Variants in RUVBL1 observed in about 807,000 individuals in gnomAD.
RUVBL1 encodes ruvB-like 1.
A neutral mutation model predicts 52.4 loss-of-function variants in RUVBL1; 4 were observed. The observed-to-expected ratio is 0.08, with a 90% confidence interval of 0.04 to 0.17. The LOEUF (loss-of-function observed/expected upper bound fraction) is 0.17. RUVBL1 is among the 10% of genes least tolerant of loss of function. The pLI, the probability that RUVBL1 is intolerant of heterozygous loss-of-function variation, is 1.00. For synonymous variants in RUVBL1, 217 were observed against 214.4 expected, an observed-to-expected ratio of 1.01 and a Z score of -0.10; for missense variants, 298 against 572.8, an observed-to-expected ratio of 0.52 and a Z score of 4.90.
chr3:128,105,265 G>A lies in RUVBL1; in HGVS notation c.362-341C>T, dbSNP rs377764404. On this transcript the variant is annotated intron_variant, in intron 3 of 10. Transcript: ENST00000322623. ...CTCCCGAGTAGCTGGGACTACAGGC[G>A]CCCGCCACCACGCCCGGCTAATTTT... is the stretch of plus-strand genomic sequence containing the variant. Among the ~76,000 whole-genome samples, 17 of 151,870 alleles carry A rather than the reference G, an allele frequency of 1.1e-4. No homozygotes were observed. In the South Asian group the frequency reaches 1.2e-3, roughly 11 times the overall value.
downstream of RUVBL1, among the ~76,000 whole-genome samples, chr3:128,077,017 G>C (rs991001172): frequency 2.0e-5 from 3 of 151,754 alleles, no homozygotes; most frequent in Non-Finnish European, 4.4e-5. Flanking sequence ...GGCGCCCATC[G>C]GCCCATCTTA....
intron 1 of RUVBL1, among the ~76,000 whole-genome samples, chr3:128,133,117 G>A (rs1015147198): frequency 2.0e-5 from 3 of 152,174 alleles, no homozygotes; most frequent in Non-Finnish European, 2.9e-5. Context: ...TCTTGCTATA[G>A]GCCTGGGTTG....
Position 128,100,637 on chromosome 3 carries a change from A to G in RUVBL1, c.711T>C (p.Asp237=). Residue 237 remains aspartate, a synonymous_variant, in exon 6 of 11, where the codon GAT becomes GAC. Transcript: ENST00000322623. ...CCACATCCAAGTCATGCAAGGTCAC[A>G]TCTTGGATGATTTCTTTCTTTTTGT... is the stretch of plus-strand genomic sequence containing the variant. The part of the protein sequence containing the change: ...DVHKKKEIIQ[D]VTLHDLDVAN... 10 of 1,613,488 alleles carry G rather than the reference A, an allele frequency of 6.2e-6. 1 individual carries two copies. The highest frequency in any genetic ancestry group is 8.5e-6 in the Non-Finnish European group (10 of 1,179,846).
chr3:128,125,310 C>T (rs1291310404), upstream of RUVBL1, among the ~76,000 whole-genome samples: 2 of 152,080 alleles, frequency 1.3e-5, no homozygotes, highest in Non-Finnish European at 2.9e-5. Context: ...CCACCGCGCC[C>T]GGCCTCTCAC....
chr3:128,069,403 G>T (rs1942085293), intron 9 of RUVBL1: 1 of 1,433,452 alleles, frequency 7.0e-7, no homozygotes, highest in Non-Finnish European at 9.5e-7. Flanking sequence ...AAAGTCTCAG[G>T]TGAGCCTGTT....
chr3:128,067,457 G>T lies in RUVBL1; in HGVS notation c.940-2237C>A, dbSNP rs770038193. ...TGGGGGCCCAGCACGTGCTTATCCAGTTGGTGGCCTTTGCTATTACCTGTC... is the reference window on the plus strand; with the variant it reads ...TGGGGGCCCAGCACGTGCTTATCCATTTGGTGGCCTTTGCTATTACCTGTC... On this transcript the variant is annotated intron_variant, in intron 9 of 9. Transcript: ENST00000464873. The surrounding 1 kb of genome is among the most constrained non-coding windows in gnomAD (Gnocchi z 4.1). 1.2e-6 allele frequency: 2 copies of T among 1,614,168 alleles called. No homozygotes were observed. Among genetic ancestry groups the T allele is most frequent in the Non-Finnish European group, 1.7e-6 (2 of 1,180,026 alleles).
At chr3:128,148,814 T>G (rs1328412233) in intron 1 of RUVBL1, among the ~76,000 whole-genome samples, 1 of 152,206 alleles carries the variant, frequency 6.6e-6, no homozygotes, top group East Asian at 1.9e-4. Flanking sequence ...ATTTTTTCAG[T>G]TACCAATATT....
chr3:128,150,943 T>TTC (rs1559841711), intron 1 of RUVBL1, among the ~76,000 whole-genome samples: 994 of 86,004 alleles, frequency 0.012, 15 homozygotes, highest in African/African-American at 0.02. Context: ...ATTCTATATA[T>TTC]TATATATATT....
At chr3:128,107,675 A>C (rs368405741) in intron 3 of RUVBL1, among the ~76,000 whole-genome samples, 1 of 152,232 alleles carries the variant, frequency 6.6e-6, no homozygotes. Flanking sequence ...GAATAGCCCC[A>C]AAAGAGAGGA....
At position 128,120,203 on chromosome 3, in the gene RUVBL1, C is replaced by T. The variant is rs115219726; in HGVS notation, c.142-789G>A. The stretch of plus-strand genomic sequence containing the variant: ...ATACATTTTTTCCAGAGAAAGGATC[C>T]ATAGCTTTCATCAAATTCCCAGAGT... On this transcript the variant is annotated intron_variant, in intron 1 of 10. Coordinates refer to ENST00000322623, the MANE Select transcript of RUVBL1 (RefSeq NM_003707.3). 5.5e-3 allele frequency among the ~76,000 whole-genome samples: 833 copies of T among 152,218 alleles called. 11 individuals are homozygous for T. The highest frequency in any genetic ancestry group is 0.019 in the African/African-American group (787 of 41,518).
intron 9 of RUVBL1, among the ~76,000 whole-genome samples, chr3:128,073,720 C>G (rs1942234711): frequency 6.6e-6 from 1 of 152,198 alleles, no homozygotes; most frequent in Non-Finnish European, 1.5e-5. Flanking sequence ...AAGCTCATGC[C>G]CCAGCAGTAA....
At chr3:128,130,197 A>C (rs1050909450) in intron 1 of RUVBL1, among the ~76,000 whole-genome samples, 1 of 152,140 alleles carries the variant, frequency 6.6e-6, no homozygotes, top group Non-Finnish European at 1.5e-5. Context: ...AAAATCAGAA[A>C]TTACAGCAGG....
intron 8 of RUVBL1, among the ~76,000 whole-genome samples, chr3:128,095,157 G>A (rs1237556370): frequency 6.6e-6 from 1 of 152,242 alleles, no homozygotes; most frequent in Non-Finnish European, 1.5e-5. Flanking sequence ...CCACTGAGCA[G>A]GTTCTGAGAT....
chr3:128,110,877 C>T (rs1943373005), intron 3 of RUVBL1, among the ~76,000 whole-genome samples: 1 of 152,050 alleles, frequency 6.6e-6, no homozygotes, highest in Admixed American at 6.5e-5. Flanking sequence ...ATAGCCCAGA[C>T]ATATTTTTTA....
intron 4 of RUVBL1, among the ~76,000 whole-genome samples, chr3:128,103,328 A>G (rs1185770326): frequency 1.3e-5 from 2 of 152,242 alleles, no homozygotes; most frequent in Admixed American, 6.5e-5. Flanking sequence ...ATTACTGGAA[A>G]GGTGGCAGAT....
chr3:128,109,104 A>G (rs1451488327), intron 3 of RUVBL1, among the ~76,000 whole-genome samples: 2 of 152,188 alleles, frequency 1.3e-5, no homozygotes, highest in African/African-American at 2.4e-5. Context: ...GGTCCCACCT[A>G]GGAGAGGAAG....
Position 128,081,378 on chromosome 3 carries a change from A to C in RUVBL1, c.1243T>G (p.Leu415Val), listed in dbSNP as rs1942470039. Residue 415 changes from leucine to valine, a missense_variant, in exon 11 of 11, where the codon TTG becomes GTG. Physicochemically the swap from Leu to Val is conservative, Grantham distance 32. Transcript: ENST00000322623. The surrounding 1 kb of genome is among the most constrained non-coding windows in gnomAD (Gnocchi z 4.8). ...YSVQLLTPAN[L>V]LAKINGKDSI... is the part of the protein sequence containing the mutation. ...TCCTTCCCGTTGATTTTAGCAAGCAAGTTGGCCGGGGTCAGCAGCTGCACT... is the reference window on the plus strand; with the variant it reads ...TCCTTCCCGTTGATTTTAGCAAGCACGTTGGCCGGGGTCAGCAGCTGCACT... 6.2e-7 allele frequency: 1 copy of C among 1,614,154 alleles called. No individual in the cohort carries two copies. Among genetic ancestry groups the C allele is most frequent in the African/African-American group, 1.3e-5 (1 of 75,050 alleles).
At chr3:128,099,695 C>T (rs1490657561) in intron 6 of RUVBL1, among the ~76,000 whole-genome samples, 2 of 152,184 alleles carry the variant, frequency 1.3e-5, no homozygotes, top group East Asian at 1.9e-4. Flanking sequence ...GGCCCTGAGA[C>T]ACAGAAGGGC....
rs1403610852 is a variant in RUVBL1, at chr3:128,123,590, C to T, written c.135G>A (p.Ala45=). 6.2e-7 allele frequency: 1 copy of T among 1,605,702 alleles called. No individual in the cohort carries two copies. The highest frequency in any genetic ancestry group is 1.1e-5 in the South Asian group (1 of 90,764). The change falls in exon 1 of 11, where the codon GCG becomes GCA. Residue 45 remains alanine (A), a synonymous_variant. Coordinates refer to ENST00000322623, the MANE Select transcript of RUVBL1 (RefSeq NM_003707.3). ...CCTGGTCCACTGGCCACACCTCTCG[C>T]GCGTTCTCCTGGCCCACAAGCCCTG... ...AASGLVGQEN[A]REACGVIVEL...
Sources: gnomAD v4.1 joint callset for allele counts (sites outside exome capture counted in the v4.1 genomes callset) on GRCh38, gnomAD v4.1.1 for gene constraint, Gnocchi (gnomAD v3.1) non-coding constraint, MANE v1.5 for transcripts, NCBI Gene and HGNC (gene_info 2026-07-23, HGNC 2026-07-21) for gene names.